The following CLIP1 variants were observed in gnomAD, a reference collection of about 807,000 sequenced individuals.
The protein encoded by CLIP1 is CAP-Gly domain-containing linker protein 1.
A neutral mutation model predicts 161.6 loss-of-function variants in CLIP1; 66 were observed. That is an observed-to-expected ratio of 0.41 (90% CI 0.33 to 0.50). The LOEUF (loss-of-function observed/expected upper bound fraction) is 0.50. Ranked by LOEUF, CLIP1 falls within the 20% of genes least tolerant of loss-of-function variation. The pLI is 0.27. For missense variants in CLIP1, 1,376 were observed against 1,702.0 expected (o/e 0.81, Z 3.37); for synonymous variants, 598 against 626.2 (o/e 0.96, Z 0.67).
At chr12:122,326,721 C>T (rs375931654) in intron 17 of CLIP1, among the ~76,000 whole-genome samples, 4 of 151,746 alleles carry the variant, frequency 2.6e-5, no homozygotes, top group South Asian at 2.1e-4. Context: ...TCAGCTTCTG[C>T]GATGCTGTGG....
At chr12:122,404,496 G>A (rs1417169157) in intron 1 of CLIP1, among the ~76,000 whole-genome samples, 1 of 152,166 alleles carries the variant, frequency 6.6e-6, no homozygotes, top group Non-Finnish European at 1.5e-5. Flanking sequence ...TTATTCAGGA[G>A]TCTGAGGCAG....
At chr12:122,326,679 A>G (rs1412008710) in intron 17 of CLIP1, among the ~76,000 whole-genome samples, 2 of 152,166 alleles carry the variant, frequency 1.3e-5, no homozygotes, top group Non-Finnish European at 2.9e-5. Flanking sequence ...CCTTGTCTCA[A>G]AAAAACAAAC....
intron 1 of CLIP1, among the ~76,000 whole-genome samples, chr12:122,390,206 ATACAC>A (rs1593226700): frequency 3.6e-5 from 5 of 137,826 alleles, no homozygotes; most frequent in Non-Finnish European, 7.8e-5. Context: ...TAATATATAT[ATACAC>A]ACATATATAT....
intron 15 of CLIP1, among the ~76,000 whole-genome samples, 190 bp from the exon 16 acceptor site, chr12:122,328,616 G>A (rs1212811386): frequency 3.3e-5 from 5 of 152,048 alleles, no homozygotes; most frequent in East Asian, 1.9e-4. Flanking sequence ...GCGGAGTCTC[G>A]CTCTGTCGCA....
chr12:122,356,812 A>AT (rs1268503018), intron 5 of CLIP1, among the ~76,000 whole-genome samples: 9 of 151,978 alleles, frequency 5.9e-5, no homozygotes, highest in Admixed American at 2.6e-4. Context: ...TGGTTTTCGT[A>AT]TTTTTTTGGT....
At chr12:122,392,499 A>G (rs781410882) in intron 1 of CLIP1, among the ~76,000 whole-genome samples, 3 of 152,180 alleles carry the variant, frequency 2.0e-5, no homozygotes, top group Non-Finnish European at 4.4e-5. Flanking sequence ...AATGAAAACA[A>G]AACAGGGCCC....
At chr12:122,350,666 C>A (rs1445014692) in intron 9 of CLIP1, among the ~76,000 whole-genome samples, 1 of 151,320 alleles carries the variant, frequency 6.6e-6, no homozygotes, top group African/African-American at 2.4e-5. Flanking sequence ...CCTCACAATC[C>A]CCTTTCCTCT....
At chr12:122,337,483 C>A (rs1039400437) in intron 11 of CLIP1, among the ~76,000 whole-genome samples, 1 of 144,602 alleles carries the variant, frequency 6.9e-6, no homozygotes, top group Non-Finnish European at 1.5e-5. Flanking sequence ...GAGATGGGGT[C>A]TCACCATGCT....
At chr12:122,275,187 G>A (rs1645592395) in intron 24 of CLIP1, 1 of 152,040 alleles carries the variant, frequency 6.6e-6, no homozygotes, top group African/African-American at 2.4e-5. Flanking sequence ...TGGGTTGGTG[G>A]AGTGCTATTG....
At chr12:122,324,462 C>T (rs1951633493) in intron 17 of CLIP1, 1 of 152,100 alleles carries the variant, frequency 6.6e-6, no homozygotes, top group Admixed American at 6.6e-5. Context: ...CTTAATGTAA[C>T]CTAAATGATA....
In CLIP1 at chr12:122,341,687, A is replaced by ACTGTAG; in HGVS notation, c.1511_1516dup (p.Ala504_Thr505dup). On this transcript the variant is annotated inframe_insertion, in exon 11 of 26. Transcript: ENST00000620786. ...TTCCATTATACGTGACTTTTCTGAAACTGTAGCCACCTATTAACAGCAGTC... is the reference window on the plus strand; with the variant it reads ...TTCCATTATACGTGACTTTTCTGAAACTGTAGCTGTAGCCACCTATTAACAGCAGTC... 1 of 1,559,962 alleles carries ACTGTAG rather than the reference A, an allele frequency of 6.4e-7. No homozygotes were observed. The highest frequency in any genetic ancestry group is 8.7e-7 in the Non-Finnish European group (1 of 1,151,844).
chr12:122,351,625 A>G (rs533253274), intron 8 of CLIP1, among the ~76,000 whole-genome samples: 6 of 152,210 alleles, frequency 3.9e-5, no homozygotes, highest in Non-Finnish European at 7.3e-5. Flanking sequence ...GGCAGCCAGC[A>G]GACTCTAAAA....
chr12:122,345,403 C>T (rs1312155652), intron 10 of CLIP1, among the ~76,000 whole-genome samples: 1 of 152,044 alleles, frequency 6.6e-6, no homozygotes, highest in East Asian at 1.9e-4. Context: ...TCAGGTGATC[C>T]TCCTGCCTTG....
intron 12 of CLIP1, among the ~76,000 whole-genome samples, chr12:122,335,961 C>G (rs573974972): frequency 1.3e-5 from 2 of 152,302 alleles, no homozygotes; most frequent in East Asian, 3.9e-4. Context: ...TCTGGCTTTT[C>G]TTTCCATGGC....
chr12:122,294,343 A>AAAC (rs1950385413), intron 20 of CLIP1, among the ~76,000 whole-genome samples: 1 of 108,838 alleles, frequency 9.2e-6, no homozygotes, highest in Non-Finnish European at 2.4e-5. Context: ...AAAAAAAAAA[A>AAAC]CAAAAAAAAA....
intron 19 of CLIP1, among the ~76,000 whole-genome samples, chr12:122,310,554 A>G (rs1314329052): frequency 6.6e-6 from 1 of 152,266 alleles, no homozygotes; most frequent in African/African-American, 2.4e-5. Context: ...TATACCGTGA[A>G]TATCAGCATA....
chr12:122,396,250 G>C (rs1955908035), intron 1 of CLIP1, among the ~76,000 whole-genome samples: 1 of 152,172 alleles, frequency 6.6e-6, no homozygotes, highest in Non-Finnish European at 1.5e-5. Context: ...CTAAGGAGAA[G>C]TGGAGATTAA....
chr12:122,415,025 T>G lies in CLIP1; in HGVS notation c.-107+7496A>C, dbSNP rs555015238. ...GTGAGTCAAGATTACACCAGTACACTCCAGCCTCGGCGACGGAGTGAGACT... is the reference window on the plus strand; with the variant it reads ...GTGAGTCAAGATTACACCAGTACACGCCAGCCTCGGCGACGGAGTGAGACT... On this transcript the variant is annotated intron_variant, in intron 1 of 25. Coordinates refer to ENST00000620786, the MANE Select transcript of CLIP1 (RefSeq NM_001247997.2). 2.6e-5 allele frequency among the ~76,000 whole-genome samples: 4 copies of G among 151,824 alleles called. No individual in the cohort carries two copies. In the East Asian group the frequency reaches 5.9e-4, roughly 22 times the overall value.
At chr12:122,414,198 G>C (rs1054740326) in intron 1 of CLIP1, among the ~76,000 whole-genome samples, 3 of 152,090 alleles carry the variant, frequency 2.0e-5, no homozygotes, top group Non-Finnish European at 4.4e-5. Flanking sequence ...GAGTGCAGTG[G>C]CGTGAACACA....
Sources: allele counts gnomAD v4.1 joint callset (sites outside exome capture counted in the v4.1 genomes callset), GRCh38; gene constraint gnomAD v4.1.1; transcripts MANE v1.5; gene names NCBI Gene and HGNC (gene_info 2026-07-23, HGNC 2026-07-21).